CDH4: variants seen among roughly 807,000 people sequenced by gnomAD.
CDH4 encodes the protein cadherin 4.
In CDH4, 33 loss-of-function variants were observed where a neutral mutation model predicts 86.0. The ratio of observed to expected loss-of-function variants is 0.38; its 90% CI spans 0.29 to 0.51. The LOEUF (loss-of-function observed/expected upper bound fraction) is 0.51. Ranked by LOEUF, CDH4 falls within the 20% of genes least tolerant of loss-of-function variation. The pLI, the probability that CDH4 is intolerant of heterozygous loss-of-function variation, is 0.86. For missense variants in CDH4, 1,114 were observed against 1,307.4 expected, an observed-to-expected ratio of 0.85 and a Z score of 2.28; for synonymous variants, 555 against 549.4, an observed-to-expected ratio of 1.01 and a Z score of -0.14.
In CDH4 at chr20:61,893,318, A is replaced by G. The variant is rs190922852; in HGVS notation, c.1051-1592A>G. ...GATAGATGGATGGGTGGGTGAATAG[A>G]GTGATGGTGGTTGGGTGGGTGGGTG... On this transcript the variant is annotated intron_variant, in intron 7 of 15. Transcript: ENST00000614565. 1.5e-3 allele frequency among the ~76,000 whole-genome samples: 40 copies of G among 27,298 alleles called. 1 individual carries two copies. Among genetic ancestry groups the G allele is most frequent in the Non-Finnish European group, 2.8e-3 (37 of 13,274 alleles). The allele number at this position is 27,298 out of a possible 152,430, so 17.9% of individuals were successfully genotyped here. A position where few individuals can be genotyped will look rare whatever the true frequency, so the allele number is the denominator to read the frequency against.
At chr20:61,572,998 ACG>A (rs2086354133) in intron 2 of CDH4, among the ~76,000 whole-genome samples, 3 of 150,492 alleles carry the variant, frequency 2.0e-5, no homozygotes, top group Non-Finnish European at 3.0e-5. Context: ...AGACGGACGG[ACG>A]GATGGATGGA....
At chr20:61,900,123 C>T (rs1353812740) in intron 8 of CDH4, among the ~76,000 whole-genome samples, 2 of 152,198 alleles carry the variant, frequency 1.3e-5, no homozygotes, top group East Asian at 3.9e-4. Context: ...GGGGGACTGG[C>T]TGGGCTGACC....
rs1329193269 is a variant in CDH4 at position 61,937,960 on chromosome 20, G to C, written c.*1017G>C. 7 of 152,438 alleles carry C rather than the reference G, an allele frequency of 4.6e-5. No homozygotes were observed. In the East Asian group the frequency reaches 1.3e-3, roughly 29 times the overall value. 9.4% of individuals were successfully genotyped at this position (152,438 alleles called of 1,614,324 possible). A position where few individuals can be genotyped will look rare whatever the true frequency, so the allele number is the denominator to read the frequency against. ...GGCTGTGCAGATGGCAGGAACCAAG[G>C]ACCCTCCCTGGCAGCTGAAGAGGGC... On this transcript the variant is annotated 3_prime_UTR_variant, in exon 16 of 16. Transcript: ENST00000614565.
At chr20:61,615,888 T>C (rs775813886) in intron 2 of CDH4, among the ~76,000 whole-genome samples, 20 of 152,248 alleles carry the variant, frequency 1.3e-4, no homozygotes, top group Non-Finnish European at 2.4e-4. Flanking sequence ...TTTGGTCAAA[T>C]GCCTTCGGTG....
At chr20:61,412,960 T>A (rs1052338029) in intron 2 of CDH4, among the ~76,000 whole-genome samples, 9 of 152,156 alleles carry the variant, frequency 5.9e-5, no homozygotes, top group Non-Finnish European at 1.3e-4. Context: ...GCTGTGTTGA[T>A]AGAACCCTGC....
rs1272893643 is a variant in CDH4 at position 61,269,542 on chromosome 20, C to G, written c.169+14605C>G. 6.6e-6 allele frequency among the ~76,000 whole-genome samples: 1 copy of G among 152,108 alleles called. No homozygotes were observed. Among genetic ancestry groups the G allele is most frequent in the East Asian group, 1.9e-4 (1 of 5,176 alleles). ...ATCCGTGTCCCTGTGTATGGAGGCA[C>G]CAGGCTCTGGAAACACCAAGGCTTG... is the stretch of plus-strand genomic sequence containing the variant. On this transcript the variant is annotated intron_variant, in intron 2 of 15. Coordinates refer to ENST00000614565, the MANE Select transcript of CDH4 (RefSeq NM_001794.5). This position sits in a 1 kb window ranked among gnomAD's most constrained non-coding sequence, Gnocchi z 5.3.
rs1219312434 is a variant in CDH4 at position 61,676,992 on chromosome 20, A to G, written c.170-66571A>G. ...GGAGGGGCTGTGGTGTGGCCCCAGC[A>G]GAGCAGACCAGGAGGGTGCTGAGGA... On this transcript the variant is annotated intron_variant, in intron 2 of 15. Coordinates refer to ENST00000614565, the MANE Select transcript of CDH4 (RefSeq NM_001794.5). This position sits in a 1 kb window ranked among gnomAD's most constrained non-coding sequence, Gnocchi z 4.5. Among the ~76,000 whole-genome samples, 1 of 152,310 alleles carries G rather than the reference A, an allele frequency of 6.6e-6. No individual in the cohort carries two copies. Among genetic ancestry groups the G allele is most frequent in the East Asian group, 1.9e-4 (1 of 5,174 alleles).
chr20:61,291,857 G>A (rs1047509917), intron 2 of CDH4, among the ~76,000 whole-genome samples: 4 of 152,136 alleles, frequency 2.6e-5, no homozygotes, highest in African/African-American at 9.7e-5. Flanking sequence ...ACCTAAGCCC[G>A]ATACCCAATA....
chr20:61,347,453 G>A (rs1308759326), intron 2 of CDH4, among the ~76,000 whole-genome samples: 1 of 152,202 alleles, frequency 6.6e-6, no homozygotes, highest in East Asian at 1.9e-4. Flanking sequence ...CAAAAAGAAA[G>A]AGAAAAAATG....
chr20:61,429,353 A>G (rs1438414738), intron 2 of CDH4, among the ~76,000 whole-genome samples: 1 of 152,232 alleles, frequency 6.6e-6, no homozygotes, highest in Non-Finnish European at 1.5e-5. Flanking sequence ...GAGCCTACAC[A>G]TGCCCTGGCC....
rs1450117213 is a variant in CDH4 at position 61,923,551 on chromosome 20, C to T, written c.1475C>T (p.Ala492Val). 2 of 1,614,200 alleles carry T rather than the reference C, an allele frequency of 1.2e-6. No homozygotes were observed. The highest frequency in any genetic ancestry group is 2.2e-5 in the East Asian group (1 of 44,874). Reference protein sequence around the residue: ...SGIQMSFQSTAGVTISIMDIN... With the variant: ...SGIQMSFQSTVGVTISIMDIN... ...ATCCAGATGTCCTTCCAGTCCACGG[C>T]AGGGGTGACCATCTCCATCATGGAC... The change falls in exon 10 of 16, where the codon GCA becomes GTA. Residue 492 changes from alanine (A) to valine (V), a missense_variant. Ala to Val is a moderately conservative substitution (Grantham distance 64). This residue lies in a region of CDH4 where 705 missense variants were observed against 914.1 expected (regional missense o/e 0.77). Coordinates refer to ENST00000614565, the MANE Select transcript of CDH4 (RefSeq NM_001794.5).
chr20:61,628,759 C>T (rs2086855752), intron 2 of CDH4, among the ~76,000 whole-genome samples: 1 of 152,212 alleles, frequency 6.6e-6, no homozygotes, highest in East Asian at 1.9e-4. Context: ...GCCAAGAAGA[C>T]AGAGCCTGCT....
At chr20:61,471,368 A>C (rs1255882660) in intron 2 of CDH4, among the ~76,000 whole-genome samples, 3 of 151,840 alleles carry the variant, frequency 2.0e-5, no homozygotes, top group Admixed American at 2.0e-4. Context: ...ATCAGTTGCA[A>C]TGTCTCTTTT....
chr20:61,458,686 T>C (rs1304608060), intron 2 of CDH4, among the ~76,000 whole-genome samples: 2 of 152,054 alleles, frequency 1.3e-5, no homozygotes, highest in African/African-American at 2.4e-5. Context: ...GTGATAGTCA[T>C]GATGGTGATG....
chr20:61,416,913 G>C (rs1303071501), intron 2 of CDH4, among the ~76,000 whole-genome samples: 1 of 152,048 alleles, frequency 6.6e-6, no homozygotes, highest in Non-Finnish European at 1.5e-5. Context: ...CACTGCCTTT[G>C]GGGAGAAGTG....
intron 2 of CDH4, among the ~76,000 whole-genome samples, chr20:61,490,095 G>T (rs1258236173): frequency 6.6e-6 from 1 of 152,172 alleles, no homozygotes; most frequent in Non-Finnish European, 1.5e-5. Flanking sequence ...AAATCAAATG[G>T]ACATCTAATC....
chr20:61,332,231 A>G (rs1230491823), intron 2 of CDH4, among the ~76,000 whole-genome samples: 1 of 152,170 alleles, frequency 6.6e-6, no homozygotes, highest in Non-Finnish European at 1.5e-5. Flanking sequence ...AGCAAATGTC[A>G]GTCTCTCATC....
intron 2 of CDH4, among the ~76,000 whole-genome samples, chr20:61,454,657 G>C (rs2085398173): frequency 6.6e-6 from 1 of 152,192 alleles, no homozygotes; most frequent in African/African-American, 2.4e-5. Context: ...GTGTTTGCCA[G>C]GATGGTCTCG....
chr20:61,770,823 C>T (rs1162728388), intron 3 of CDH4, among the ~76,000 whole-genome samples: 2 of 149,018 alleles, frequency 1.3e-5, no homozygotes, highest in Admixed American at 6.7e-5. Flanking sequence ...GCGGTGCTTG[C>T]AGTGAGCCGA....
Sources: gnomAD v4.1 joint callset for allele counts (sites outside exome capture counted in the v4.1 genomes callset) on GRCh38, gnomAD v4.1.1 for gene constraint, gnomAD v4.1.1 regional missense constraint, Gnocchi (gnomAD v3.1) non-coding constraint, MANE v1.5 for transcripts, NCBI Gene and HGNC (gene_info 2026-07-23, HGNC 2026-07-21) for gene names.